ALG5: variants seen among roughly 807,000 people sequenced by gnomAD.
ALG5 encodes dolichyl-phosphate beta-glucosyltransferase.
Under a neutral mutation model 51.8 loss-of-function variants are expected in ALG5, and 26 were observed. The observed-to-expected ratio is 0.50, with a 90% CI of 0.37 to 0.70. ALG5 has a LOEUF of 0.70. Ranked by LOEUF, ALG5 falls within the 30% of genes least tolerant of loss-of-function variation. The pLI, the probability that ALG5 is intolerant of heterozygous loss-of-function variation, is 0.00. For synonymous variants in ALG5, 141 were observed against 136.1 expected, an observed-to-expected ratio of 1.04 and a Z score of -0.25; for missense variants, 311 against 399.3, an observed-to-expected ratio of 0.78 and a Z score of 1.88.
chr13:36,992,447 C>T (rs2059029763), intron 4 of ALG5, among the ~76,000 whole-genome samples: 1 of 152,154 alleles, frequency 6.6e-6, no homozygotes, highest in African/African-American at 2.4e-5. Context: ...TAAGACTTTA[C>T]TATGTTAGGA....
intron 6 of ALG5, among the ~76,000 whole-genome samples, chr13:36,973,034 A>T (rs1439695982): frequency 6.6e-6 from 1 of 151,206 alleles, no homozygotes. Flanking sequence ...CTTAAAACCA[A>T]TAAAAATGCC....
intron 8 of ALG5, among the ~76,000 whole-genome samples, chr13:36,962,273 A>C (rs889959412): frequency 6.6e-6 from 1 of 152,214 alleles, no homozygotes; most frequent in Non-Finnish European, 1.5e-5. Context: ...TCTGTAACTT[A>C]TATTGTTCTT....
intron 6 of ALG5, among the ~76,000 whole-genome samples, chr13:36,974,303 A>G (rs988501229): frequency 5.9e-5 from 9 of 152,232 alleles, no homozygotes; most frequent in South Asian, 2.1e-4. Flanking sequence ...GTTTCACTGT[A>G]TATCTTTCTT....
chr13:36,978,493 A>C (rs2058964596), intron 6 of ALG5, among the ~76,000 whole-genome samples: 1 of 151,958 alleles, frequency 6.6e-6, no homozygotes, highest in Non-Finnish European at 1.5e-5. Flanking sequence ...GGTCCTCAGT[A>C]CTTTTTAAGT....
At chr13:36,989,304 C>T (rs2059015424) in intron 5 of ALG5, among the ~76,000 whole-genome samples, 180 bp downstream of exon 5, 1 of 152,160 alleles carries the variant, frequency 6.6e-6, no homozygotes, top group Non-Finnish European at 1.5e-5. Context: ...AAATCACCCA[C>T]TATATTATAG....
At chr13:36,958,511 G>A (rs1456169056) in intron 8 of ALG5, among the ~76,000 whole-genome samples, 1 of 152,130 alleles carries the variant, frequency 6.6e-6, no homozygotes, top group African/African-American at 2.4e-5. Flanking sequence ...GCTAGCCCAT[G>A]CTCCGATGTT....
chr13:36,950,209 A>G (rs1480830967), intron 9 of ALG5, 152 bp from the exon 10 acceptor site: 5 of 533,848 alleles, frequency 9.4e-6, no homozygotes, highest in Non-Finnish European at 1.6e-5. Flanking sequence ...TCAAAGCTGA[A>G]GTGAGTGGAG....
intron 4 of ALG5, 111 bp from the exon 5 acceptor site, chr13:36,989,687 G>T: frequency 1.3e-6 from 1 of 788,762 alleles, no homozygotes; most frequent in Non-Finnish European, 2.1e-6. Context: ...ATCCCTTCTT[G>T]TGACTAGGTT....
chr13:36,967,911 T>G (rs1414366015), intron 7 of ALG5: 1 of 682,656 alleles, frequency 1.5e-6, no homozygotes, highest in African/African-American at 1.9e-5. Context: ...TTAATGTGAT[T>G]TGAGTGAGCT....
intron 5 of ALG5, 90 bp downstream of exon 5, chr13:36,989,393 AT>A (rs2059015927): frequency 1.1e-6 from 1 of 885,574 alleles, no homozygotes; most frequent in Admixed American, 2.3e-5. Flanking sequence ...AAATGCTGGT[AT>A]TCAAGCAGTG....
intron 6 of ALG5, among the ~76,000 whole-genome samples, chr13:36,985,321 A>G (rs750675958): frequency 6.6e-6 from 1 of 152,138 alleles, no homozygotes; most frequent in Non-Finnish European, 1.5e-5. Flanking sequence ...AATTCAGGCT[A>G]TACTTTTAAA....
At chr13:36,981,960 A>G (rs952766619) in intron 6 of ALG5, among the ~76,000 whole-genome samples, 16 of 152,104 alleles carry the variant, frequency 1.1e-4, no homozygotes, top group Admixed American at 2.0e-4. Context: ...GCATGGTGGC[A>G]GGCGCCTGTA....
chr13:36,998,918 G>C, intron 1 of ALG5: 1 of 281,956 alleles, frequency 3.5e-6, no homozygotes, highest in Non-Finnish European at 6.6e-6. Flanking sequence ...GAGGTTGACA[G>C]AGGAGGTGGG....
Sources: allele counts gnomAD v4.1 joint callset (sites outside exome capture counted in the v4.1 genomes callset), GRCh38; gene constraint gnomAD v4.1.1; transcripts MANE v1.5; gene names NCBI Gene and HGNC (gene_info 2026-07-23, HGNC 2026-07-21).